COL24A1: variants seen among roughly 807,000 people sequenced by gnomAD.
The protein encoded by COL24A1 is collagen alpha-1(XXIV) chain.
In COL24A1, 224 loss-of-function variants were observed where a neutral mutation model predicts 253.9. That is an observed-to-expected ratio of 0.88 (90% CI 0.79 to 0.99). COL24A1 has a LOEUF of 0.99. COL24A1 is among the 50% of genes least tolerant of loss of function. The pLI is 0.00. For missense variants in COL24A1, 2,131 were observed against 2,068.5 expected (o/e 1.03, Z -0.59); for synonymous variants, 685 against 673.7 (o/e 1.02, Z -0.26).
intron 2 of COL24A1, among the ~76,000 whole-genome samples, chr1:86,132,719 G>T (rs543950346): frequency 6.6e-6 from 1 of 152,064 alleles, no homozygotes; most frequent in Non-Finnish European, 1.5e-5. Flanking sequence ...TGTTCCATTG[G>T]TCTATATCTC....
chr1:86,138,154 T>C (rs1250763201), intron 2 of COL24A1, among the ~76,000 whole-genome samples: 2 of 152,236 alleles, frequency 1.3e-5, no homozygotes, highest in African/African-American at 2.4e-5. Flanking sequence ...TTTTAATCTG[T>C]ATCCTTAACT....
intron 7 of COL24A1, among the ~76,000 whole-genome samples, chr1:86,082,132 C>T (rs993810675): frequency 2.0e-5 from 3 of 151,988 alleles, no homozygotes; most frequent in South Asian, 2.1e-4. Flanking sequence ...GCATATCTCT[C>T]GAACTCATAA....
At chr1:86,031,424 G>T (rs926112927) in intron 14 of COL24A1, among the ~76,000 whole-genome samples, 5 of 152,022 alleles carry the variant, frequency 3.3e-5, no homozygotes, top group Admixed American at 1.3e-4. Context: ...AATAATAAGT[G>T]CTTGAGGTGA....
At chr1:86,131,289 A>AT (rs1237369444) in intron 2 of COL24A1, among the ~76,000 whole-genome samples, 1 of 151,768 alleles carries the variant, frequency 6.6e-6, no homozygotes, top group Non-Finnish European at 1.5e-5. Context: ...ACAGGTTCAA[A>AT]TTTTTTTTAT....
intron 55 of COL24A1, among the ~76,000 whole-genome samples, chr1:85,761,013 A>C (rs1666796258): frequency 6.6e-6 from 1 of 152,190 alleles, no homozygotes. Flanking sequence ...ACTTCATGTA[A>C]ATCAAAGAAG....
intron 58 of COL24A1, 26 bp from the exon 59 acceptor site, chr1:85,734,990 G>A (rs761978032): frequency 1.4e-5 from 23 of 1,601,994 alleles, no homozygotes; most frequent in Non-Finnish European, 1.7e-5. Context: ...TGATATGCAG[G>A]TTATAACATG....
At chr1:86,034,189 T>C (rs1433641142) in intron 12 of COL24A1, among the ~76,000 whole-genome samples, 2 of 152,124 alleles carry the variant, frequency 1.3e-5, no homozygotes, top group Non-Finnish European at 2.9e-5. Flanking sequence ...GAGAAGTTTG[T>C]TCATCATACA....
At chr1:85,941,623 T>G (rs1004433361) in intron 24 of COL24A1, among the ~76,000 whole-genome samples, 1 of 10,338 alleles carries the variant, frequency 9.7e-5, no homozygotes, top group Non-Finnish European at 1.8e-4. Flanking sequence ...AGACATGTAC[T>G]TTTTTTTAAA....
At chr1:86,152,281 A>G (rs1245390326) in intron 1 of COL24A1, among the ~76,000 whole-genome samples, 1 of 152,144 alleles carries the variant, frequency 6.6e-6, no homozygotes, top group African/African-American at 2.4e-5. Flanking sequence ...AAAGTCCTAA[A>G]TGCTCCAAAA....
intron 20 of COL24A1, among the ~76,000 whole-genome samples, chr1:85,976,314 GT>G (rs985910872): frequency 6.6e-6 from 1 of 152,152 alleles, no homozygotes; most frequent in Non-Finnish European, 1.5e-5. Flanking sequence ...AGGGCACATT[GT>G]CAGGGGCAAA....
rs1455453019 is a variant in COL24A1 at position 85,828,271 on chromosome 1, A to AGTC, written c.3682-4534_3682-4533insGAC. Among the ~76,000 whole-genome samples the AGTC allele has an allele frequency of 8.1e-4, 92 of 113,990 alleles. No homozygotes were observed. In the East Asian group the frequency reaches 0.019, roughly 24 times the overall value. The allele number at this position is 113,990 out of a possible 152,430, so 74.8% of individuals were successfully genotyped here. ...TAATCCTGAGTTCTAGTTTGATTGC[A>AGTC]CTGTGGTCTGAGAGATAAGTTTGTT... On this transcript the variant is annotated intron_variant, in intron 43 of 59. Transcript: ENST00000370571.
chr1:86,111,279 G>A (rs1705566943), intron 5 of COL24A1, among the ~76,000 whole-genome samples: 1 of 152,066 alleles, frequency 6.6e-6, no homozygotes, highest in South Asian at 2.1e-4. Flanking sequence ...GAAGTTTTAT[G>A]TCTAGCTAGA....
At position 86,070,076 on chromosome 1, in the gene COL24A1, A is replaced by C. The variant is rs182008694; in HGVS notation, c.1708-6317T>G. Among the ~76,000 whole-genome samples, 452 of 152,346 alleles carry C rather than the reference A, an allele frequency of 3.0e-3. 1 individual carries two copies. The highest frequency in any genetic ancestry group is 4.0e-3 in the Non-Finnish European group (269 of 68,032). ...TTTTGAGGAAACCCAAAGAAATTCA[A>C]GATAACACAAAGAAGGAATTCAGAA... On this transcript the variant is annotated intron_variant, in intron 7 of 59. Transcript: ENST00000370571.
At chr1:86,123,633 T>C (rs1024478428) in intron 3 of COL24A1, among the ~76,000 whole-genome samples, 1 of 152,060 alleles carries the variant, frequency 6.6e-6, no homozygotes, top group Non-Finnish European at 1.5e-5. Flanking sequence ...CTGATCAGAC[T>C]GACTTTTTCT....
chr1:85,787,369 C>T (rs1669792064), intron 47 of COL24A1, among the ~76,000 whole-genome samples: 1 of 152,134 alleles, frequency 6.6e-6, no homozygotes, highest in African/African-American at 2.4e-5. Flanking sequence ...CTGCCTCTGT[C>T]CCACCTCCAC....
chr1:86,046,039 A>G (rs1055958045), intron 12 of COL24A1: 1 of 210,446 alleles, frequency 4.8e-6, no homozygotes, highest in Non-Finnish European at 9.8e-6. Flanking sequence ...TTACTCACCT[A>G]TATTATGGTG....
At chr1:85,883,024 A>C (rs2102676710) in intron 32 of COL24A1, among the ~76,000 whole-genome samples, 1 of 152,318 alleles carries the variant, frequency 6.6e-6, no homozygotes, top group East Asian at 1.9e-4. Context: ...TCACTTTGGC[A>C]ATCTCTTATT....
intron 47 of COL24A1, among the ~76,000 whole-genome samples, chr1:85,794,145 T>C (rs1382184676): frequency 6.6e-6 from 1 of 152,168 alleles, no homozygotes; most frequent in Non-Finnish European, 1.5e-5. Flanking sequence ...GAGCCTCTTA[T>C]CTCCAGATAT....
intron 5 of COL24A1, among the ~76,000 whole-genome samples, chr1:86,097,371 CCTT>C (rs1703978998): frequency 7.5e-6 from 1 of 134,138 alleles, no homozygotes; most frequent in South Asian, 2.4e-4. Flanking sequence ...TTCTTCTTCT[CCTT>C]CTTTCTTCTC....
Sources: allele counts gnomAD v4.1 joint callset (sites outside exome capture counted in the v4.1 genomes callset), GRCh38; gene constraint gnomAD v4.1.1; transcripts MANE v1.5; gene names NCBI Gene and HGNC (gene_info 2026-07-23, HGNC 2026-07-21).